Variants in SART3 observed in about 807,000 individuals in gnomAD.
SART3 encodes the protein spliceosome associated factor 3, U4/U6 recycling protein, also known as HIV-1 Tat-interacting protein of 110kDa.
Under a neutral mutation model 122.3 loss-of-function variants are expected in SART3, and 44 were observed. That is an observed-to-expected ratio of 0.36 (90% CI 0.28 to 0.46). The LOEUF is 0.46. SART3 is among the 20% of genes least tolerant of loss of function. SART3 has a pLI of 1.00. For missense variants in SART3, 1,101 were observed against 1,229.0 expected (o/e 0.90, Z 1.56); for synonymous variants, 442 against 454.0 (o/e 0.97, Z 0.34).
At chr12:108,542,652 T>C (rs11113982) in intron 6 of SART3, 86,583 of 345,588 alleles carry the variant, frequency 0.25, 12,002 homozygotes, top group East Asian at 0.51. Context: ...TTCCAATATA[T>C]AAAAGTTCAA....
chr12:108,561,170 A>C lies in SART3; in HGVS notation c.-16T>G. On this transcript the variant is annotated 5_prime_UTR_variant, in exon 1 of 19. Coordinates refer to ENST00000546815, the MANE Select transcript of SART3 (RefSeq NM_014706.4). ...CAGTCGCCATCTTGCGCTTCTAATGACTCTCGGGTCTTCCCGCGGCCGCCG... is the reference window on the plus strand; with the variant it reads ...CAGTCGCCATCTTGCGCTTCTAATGCCTCTCGGGTCTTCCCGCGGCCGCCG... 6.2e-7 allele frequency: 1 copy of C among 1,602,892 alleles called. No individual in the cohort carries two copies. Among genetic ancestry groups the C allele is most frequent in the African/African-American group, 1.3e-5 (1 of 74,392 alleles).
Position 108,524,598 on chromosome 12 carries a change from G to T in SART3, c.2524-92C>A, listed in dbSNP as rs930939886. On this transcript the variant is annotated intron_variant, in intron 17 of 18. Transcript: ENST00000546815. ...GGCAGGCACTGGGCTTCCTCCCGGA[G>T]ACCAGCAGACCAGGCCACAGCAAAC... 5.2e-6 allele frequency: 6 copies of T among 1,154,862 alleles called. No individual in the cohort carries two copies. The East Asian group carries it at 9.4e-5, about 18-fold the overall frequency. The allele number at this position is 1,154,862 out of a possible 1,614,324, so 71.5% of individuals were successfully genotyped here. A position where few individuals can be genotyped will look rare whatever the true frequency, so the allele number is the denominator to read the frequency against.
chr12:108,557,449 C>A (rs1042113384), intron 1 of SART3, among the ~76,000 whole-genome samples: 2 of 152,060 alleles, frequency 1.3e-5, no homozygotes, highest in African/African-American at 4.8e-5. Flanking sequence ...TTATACCTAG[C>A]TGTACTAGAA....
intron 6 of SART3, among the ~76,000 whole-genome samples, chr12:108,540,326 A>C (rs541720226): frequency 2.0e-5 from 3 of 152,336 alleles, no homozygotes; most frequent in South Asian, 2.1e-4. Flanking sequence ...AGAATTCTAT[A>C]GCCTAAGAAA....
At chr12:108,547,194 T>G (rs1288901401) in intron 3 of SART3, among the ~76,000 whole-genome samples, 2 of 152,178 alleles carry the variant, frequency 1.3e-5, no homozygotes, top group African/African-American at 4.8e-5. Context: ...AGAAAATATT[T>G]AAGACAATTA....
chr12:108,545,408 C>T, intron 3 of SART3, 85 bp from the exon 4 acceptor site: 3 of 1,271,802 alleles, frequency 2.4e-6, no homozygotes, highest in Non-Finnish European at 2.3e-6. Flanking sequence ...ATGTGCCTAC[C>T]AAAAAAGTAC....
chr12:108,555,511 A>G (rs1389674530), intron 1 of SART3, among the ~76,000 whole-genome samples: 2 of 152,190 alleles, frequency 1.3e-5, no homozygotes, highest in African/African-American at 2.4e-5. Context: ...CAAAAACTGT[A>G]AAAATTAGCT....
intron 1 of SART3, among the ~76,000 whole-genome samples, chr12:108,555,910 T>C (rs2030202232): frequency 6.6e-6 from 1 of 152,182 alleles, no homozygotes; most frequent in Admixed American, 6.5e-5. Context: ...TCTTACCAGA[T>C]AGCAAGCCTT....
intron 1 of SART3, among the ~76,000 whole-genome samples, chr12:108,556,481 T>C (rs905539636): frequency 2.0e-5 from 3 of 152,212 alleles, no homozygotes; most frequent in African/African-American, 7.2e-5. Flanking sequence ...GATAAGAACA[T>C]GATCTCTAAG....
intron 2 of SART3, 37 bp from the exon 3 acceptor site, chr12:108,548,028 GGGTA>G (rs1437424003): frequency 1.9e-6 from 3 of 1,563,184 alleles, no homozygotes; most frequent in Non-Finnish European, 2.6e-6. Context: ...TAATACCAAA[GGGTA>G]GGCTAAGCGC....
At chr12:108,557,209 T>TG (rs1274489560) in intron 1 of SART3, among the ~76,000 whole-genome samples, 2 of 126,822 alleles carry the variant, frequency 1.6e-5, no homozygotes, top group African/African-American at 3.2e-5. Context: ...TGACATAGTT[T>TG]TTTTTTTTTT....
rs745404184 is a variant in SART3 at position 108,523,617 on chromosome 12, G to A, written c.2732C>T (p.Thr911Met). The A allele has an allele frequency of 6.2e-6, 10 of 1,613,946 alleles. No homozygotes were observed. The highest frequency in any genetic ancestry group is 2.2e-5 in the South Asian group (2 of 91,076). The change falls in exon 19 of 19, where the codon ACG becomes ATG. Residue 911 changes from threonine to methionine, a missense_variant. Coordinates refer to ENST00000546815, the MANE Select transcript of SART3 (RefSeq NM_014706.4). ...GGCACGAGGCAGTAGAGACAGCTGC[G>A]TCCTTCCCTTCCCCCTCCTAAAAGA... is the stretch of plus-strand genomic sequence containing the variant. ...QTYGARGKGR[T>M]QLSLLPRALQ...
intron 17 of SART3, among the ~76,000 whole-genome samples, 166 bp downstream of exon 17, chr12:108,525,291 T>C (rs1872319137): frequency 6.6e-6 from 1 of 152,256 alleles, no homozygotes; most frequent in Non-Finnish European, 1.5e-5. Flanking sequence ...TTAATCTGAC[T>C]CCAAATATAA....
intron 1 of SART3, among the ~76,000 whole-genome samples, chr12:108,553,062 A>G (rs1042204651): frequency 4.6e-5 from 7 of 152,174 alleles, no homozygotes; most frequent in Admixed American, 4.6e-4. Context: ...GACAAACGCA[A>G]TGCAACAGAG....
chr12:108,528,887 C>T (rs770090027), intron 15 of SART3, among the ~76,000 whole-genome samples: 3 of 152,068 alleles, frequency 2.0e-5, no homozygotes, highest in Admixed American at 6.5e-5. Context: ...TTTGGGAGGC[C>T]GAGGCAGACA....
intron 3 of SART3, among the ~76,000 whole-genome samples, chr12:108,547,052 T>G (rs1873457594): frequency 6.6e-6 from 1 of 152,112 alleles, no homozygotes; most frequent in Non-Finnish European, 1.5e-5. Context: ...ACTCCCGACC[T>G]CAAGTGATCC....
intron 3 of SART3, among the ~76,000 whole-genome samples, chr12:108,546,619 C>T (rs1873434097): frequency 6.6e-6 from 1 of 151,142 alleles, no homozygotes; most frequent in Non-Finnish European, 1.5e-5. Flanking sequence ...CTCCTGGGTT[C>T]AAGCAATTTT....
chr12:108,535,267 G>A, intron 12 of SART3, 92 bp downstream of exon 12: 1 of 944,568 alleles, frequency 1.1e-6, no homozygotes, highest in Non-Finnish European at 1.7e-6. Flanking sequence ...CAGTTCTAAG[G>A]AGCTAGTCCA....
At chr12:108,535,953 C>G (rs1872885438) in intron 11 of SART3, among the ~76,000 whole-genome samples, 1 of 152,104 alleles carries the variant, frequency 6.6e-6, no homozygotes, top group South Asian at 2.1e-4. Flanking sequence ...ATGTTAGTTT[C>G]TTCTATCTGA....
Sources: gnomAD v4.1 joint callset for allele counts (sites outside exome capture counted in the v4.1 genomes callset) on GRCh38, gnomAD v4.1.1 for gene constraint, MANE v1.5 for transcripts, NCBI Gene and HGNC (gene_info 2026-07-23, HGNC 2026-07-21) for gene names.